GAS7: variants seen among roughly 807,000 people sequenced by gnomAD.
The protein encoded by GAS7 is growth arrest specific 7.
In GAS7, 28 loss-of-function variants were observed where a neutral mutation model predicts 71.1. That is an observed-to-expected ratio of 0.39 (90% CI 0.29 to 0.54). GAS7 has a LOEUF of 0.54. Among genes scored for constraint, GAS7 ranks in the 20% least tolerant of loss-of-function variants. The pLI is 0.62. For synonymous variants in GAS7, 258 were observed against 245.8 expected (o/e 1.05, Z -0.46); for missense variants, 436 against 627.8 (o/e 0.69, Z 3.27).
In GAS7 at chr17:10,110,584, G is replaced by A. The variant is rs528944567; in HGVS notation, c.183+87624C>T. Among the ~76,000 whole-genome samples, 8 of 152,222 alleles carry A rather than the reference G, an allele frequency of 5.3e-5. No individual in the cohort carries two copies. The East Asian group carries it at 1.5e-3, about 29-fold the overall frequency. Reference sequence around the variant, plus strand: ...GGGTTCAACCAATTCTCCTGTCTAAGCCTCAGCCTCCCAAGTAGTTGGGAC... The same window carrying A: ...GGGTTCAACCAATTCTCCTGTCTAAACCTCAGCCTCCCAAGTAGTTGGGAC... On this transcript the variant is annotated intron_variant, in intron 1 of 13. Transcript: ENST00000432992.
intron 1 of GAS7, among the ~76,000 whole-genome samples, chr17:10,082,362 G>A (rs947101347): frequency 6.6e-6 from 1 of 152,164 alleles, no homozygotes; most frequent in Non-Finnish European, 1.5e-5. Context: ...TGTGGCCAAT[G>A]TTAATACTTG....
At position 10,084,572 on chromosome 17, in the gene GAS7, T is replaced by G. The variant is rs1383549494; in HGVS notation, c.184-64675A>C. On this transcript the variant is annotated intron_variant, in intron 1 of 13. Coordinates refer to ENST00000432992, the MANE Select transcript of GAS7 (RefSeq NM_201433.2). ...ACCTCTGCTTCCCAGGTTCAAGTGA[T>G]TCTCCTGCCTCAGCCTCCCAAGTAG... Among the ~76,000 whole-genome samples, 3 of 152,186 alleles carry G rather than the reference T, an allele frequency of 2.0e-5. No homozygotes were observed. The East Asian group carries it at 5.8e-4, about 29-fold the overall frequency.
chr17:10,043,283 C>T (rs2072899404), intron 1 of GAS7, among the ~76,000 whole-genome samples: 2 of 152,128 alleles, frequency 1.3e-5, no homozygotes. Flanking sequence ...TCACCTCTAA[C>T]CAGACTAGTG....
intron 1 of GAS7, chr17:10,039,837 C>T: frequency 2.3e-6 from 1 of 433,632 alleles, no homozygotes; most frequent in South Asian, 1.6e-5. Context: ...GGTGTGGCAC[C>T]CTCTGGGGCT....
At chr17:9,936,497 G>A (rs1789792230) in intron 8 of GAS7, among the ~76,000 whole-genome samples, 1 of 152,102 alleles carries the variant, frequency 6.6e-6, no homozygotes, top group Non-Finnish European at 1.5e-5. Context: ...CCAACACAAC[G>A]TCCTCAGCTC....
chr17:9,945,678 G>A (rs964569728), intron 6 of GAS7, among the ~76,000 whole-genome samples: 1 of 151,828 alleles, frequency 6.6e-6, no homozygotes, highest in African/African-American at 2.4e-5. Flanking sequence ...CTAAAAAAGT[G>A]TAGATAATCC....
rs149594115 is a variant in GAS7, at chr17:9,999,141, C to T, written c.305-17257G>A. ...TTTTGTTGCTGTTTTCTGAGAAACTCGGCCTTTATTAACTTCAATTGCTCG... is the reference window on the plus strand; with the variant it reads ...TTTTGTTGCTGTTTTCTGAGAAACTTGGCCTTTATTAACTTCAATTGCTCG... On this transcript the variant is annotated intron_variant, in intron 2 of 13. Transcript: ENST00000432992. 2.0e-3 allele frequency among the ~76,000 whole-genome samples: 300 copies of T among 152,258 alleles called. 1 individual carries two copies. Among genetic ancestry groups the T allele is most frequent in the African/African-American group, 7.0e-3 (289 of 41,554 alleles).
At chr17:10,133,026 C>T (rs2074009285) in intron 1 of GAS7, among the ~76,000 whole-genome samples, 1 of 151,796 alleles carries the variant, frequency 6.6e-6, no homozygotes, top group Admixed American at 6.6e-5. Context: ...GACACACAGA[C>T]CAACAGACAG....
chr17:9,929,540 T>C (rs910820266), intron 9 of GAS7, among the ~76,000 whole-genome samples: 1 of 152,136 alleles, frequency 6.6e-6, no homozygotes, highest in Non-Finnish European at 1.5e-5. Context: ...AATGGCGCAA[T>C]CTTGGCTCAC....
chr17:10,155,268 G>A (rs1419093072), intron 1 of GAS7, among the ~76,000 whole-genome samples: 2 of 151,936 alleles, frequency 1.3e-5, no homozygotes, highest in Non-Finnish European at 2.9e-5. Flanking sequence ...CACCCATCTC[G>A]GCCTCCCAAA....
chr17:10,134,626 A>C (rs955492117), intron 1 of GAS7, among the ~76,000 whole-genome samples: 27 of 152,158 alleles, frequency 1.8e-4, no homozygotes, highest in Non-Finnish European at 1.2e-4. Context: ...GGTGAGCCCC[A>C]AAGTGGGGCC....
chr17:9,987,060 C>A (rs1023184200), intron 2 of GAS7, among the ~76,000 whole-genome samples: 1 of 152,216 alleles, frequency 6.6e-6, no homozygotes, highest in African/African-American at 2.4e-5. Context: ...ACATCTGGCT[C>A]CTTGACCAAG....
At position 10,106,059 on chromosome 17, in the gene GAS7, T is replaced by C. The variant is rs117570051; in HGVS notation, c.184-86162A>G. Among the ~76,000 whole-genome samples, 307 of 152,266 alleles carry C rather than the reference T, an allele frequency of 2.0e-3. 9 individuals carry two copies. The East Asian group carries it at 0.058, about 29-fold the overall frequency. On this transcript the variant is annotated intron_variant, in intron 1 of 13. Transcript: ENST00000432992. Reference sequence around the variant, plus strand: ...TATAAACAGAATCCTACCTCTGCCCTCCAGTCAACCCTGCAAACATTAGCA... The same window carrying C: ...TATAAACAGAATCCTACCTCTGCCCCCCAGTCAACCCTGCAAACATTAGCA...
chr17:9,990,040 T>C (rs542731852), intron 2 of GAS7, among the ~76,000 whole-genome samples: 1 of 151,734 alleles, frequency 6.6e-6, no homozygotes. Context: ...GAGGCAGAGG[T>C]GGACGGATCA....
chr17:10,168,513 C>A (rs2074311521), intron 1 of GAS7, among the ~76,000 whole-genome samples: 1 of 152,198 alleles, frequency 6.6e-6, no homozygotes, highest in Admixed American at 6.5e-5. Flanking sequence ...ATACCACAGT[C>A]AGGCTGTATG....
At chr17:10,031,096 C>A (rs1218940507) in intron 1 of GAS7, among the ~76,000 whole-genome samples, 2 of 152,222 alleles carry the variant, frequency 1.3e-5, no homozygotes, top group East Asian at 3.9e-4. Context: ...GAGTTTTCTC[C>A]CAGCCATGGG....
chr17:9,991,888 C>G (rs900281170), intron 2 of GAS7, among the ~76,000 whole-genome samples: 3 of 152,070 alleles, frequency 2.0e-5, no homozygotes, highest in Non-Finnish European at 2.9e-5. Flanking sequence ...GACACCTTAT[C>G]GAATCCAAAG....
intron 1 of GAS7, among the ~76,000 whole-genome samples, chr17:10,173,847 G>C (rs1000559196): frequency 2.0e-5 from 3 of 152,214 alleles, no homozygotes; most frequent in Non-Finnish European, 2.9e-5. Flanking sequence ...CCCTTCATGG[G>C]GGTGGGAGGT....
chr17:9,926,789 GCA>G lies in GAS7; in HGVS notation c.886-22_886-21del. 1 of 1,613,592 alleles carries G rather than the reference GCA, an allele frequency of 6.2e-7. No homozygotes were observed. The highest frequency in any genetic ancestry group is 8.5e-7 in the Non-Finnish European group (1 of 1,179,612). ...GTGAAGCTGTTGGGAGAGTAGAGAC[GCA>G]CACTCAGGACCCAGGGCATCAGCTG... On this transcript the variant is annotated intron_variant, in intron 9 of 13. Transcript: ENST00000432992. The surrounding 1 kb of genome is among the most constrained non-coding windows in gnomAD (Gnocchi z 5.0).
Sources: allele counts gnomAD v4.1 joint callset (sites outside exome capture counted in the v4.1 genomes callset), GRCh38; gene constraint gnomAD v4.1.1; non-coding constraint Gnocchi (gnomAD v3.1); transcripts MANE v1.5; gene names NCBI Gene and HGNC (gene_info 2026-07-23, HGNC 2026-07-21).